CLASP2: variants seen among roughly 807,000 people sequenced by gnomAD.
The protein encoded by CLASP2 is cytoplasmic linker associated protein 2, also known as CLIP-associating protein 2.
A neutral mutation model predicts 194.4 loss-of-function variants in CLASP2; 47 were observed. That is an observed-to-expected ratio of 0.24 (90% confidence interval 0.19 to 0.31). The LOEUF (loss-of-function observed/expected upper bound fraction) is 0.31, where lower values mean the gene tolerates loss of function less well. CLASP2 is among the 10% of genes least tolerant of loss of function. The pLI, the probability that CLASP2 is intolerant of heterozygous loss-of-function variation, is 1.00. For synonymous variants in CLASP2, 619 were observed against 633.5 expected (o/e 0.98, Z 0.34); for missense variants, 1,445 against 1,823.6 (o/e 0.79, Z 3.78).
Position 33,619,631 on chromosome 3 carries a change from C to G in CLASP2, c.1289G>C (p.Gly430Ala), listed in dbSNP as rs1232293745. ...AATGATAAATCTGATTGCTGCACAT[C>G]CAGAAGTTGCCATGACTTTTGCACT... ...PNSAKVMATS[G>A]CAAIRFIIRH... Residue 430 changes from glycine to alanine, a missense_variant, in exon 12 of 39, where the codon GGA (glycine) becomes GCA (alanine). By Grantham distance (60) the Gly-to-Ala change is moderately conservative. Coordinates refer to ENST00000682230, the MANE Select transcript of CLASP2 (RefSeq NM_001365631.1). 2 of 1,551,544 alleles carry G rather than the reference C, an allele frequency of 1.3e-6. No homozygotes were observed. The highest frequency in any genetic ancestry group is 3.9e-5 in the Admixed American group (2 of 50,952).
At chr3:33,686,073 T>C (rs996224092) in intron 5 of CLASP2, among the ~76,000 whole-genome samples, 16 of 152,198 alleles carry the variant, frequency 1.1e-4, no homozygotes, top group Non-Finnish European at 1.9e-4. Context: ...AAGGTAGCTC[T>C]AGTTCCCTTG....
chr3:33,674,337 A>G (rs2088054870), intron 6 of CLASP2, among the ~76,000 whole-genome samples: 1 of 152,154 alleles, frequency 6.6e-6, no homozygotes, highest in African/African-American at 2.4e-5. Flanking sequence ...CTGCTCCTGA[A>G]TGACTACTGG....
intron 34 of CLASP2, among the ~76,000 whole-genome samples, chr3:33,528,525 G>T (rs2055243073): frequency 6.6e-6 from 1 of 152,148 alleles, no homozygotes; most frequent in Non-Finnish European, 1.5e-5. Flanking sequence ...ATTTTGGGAT[G>T]CCGAGATGGG....
intron 7 of CLASP2, among the ~76,000 whole-genome samples, chr3:33,661,956 C>CA (rs1195563709): frequency 6.6e-6 from 1 of 152,138 alleles, no homozygotes; most frequent in East Asian, 1.9e-4. Context: ...ATATTATCAT[C>CA]AAAAACATTA....
intron 6 of CLASP2, among the ~76,000 whole-genome samples, chr3:33,677,282 T>A (rs1272865020): frequency 6.6e-5 from 10 of 151,792 alleles, no homozygotes; most frequent in African/African-American, 2.2e-4. Flanking sequence ...TTATTCACAA[T>A]AGCAAAGACT....
chr3:33,599,800 G>A lies in CLASP2; in HGVS notation c.1925-3066C>T, dbSNP rs186440937. ...GAAGGGAGAAAGGGAAGGAGGGTAAGAAGGAGAACATCCTTTATCCAACCC... is the reference window on the plus strand; with the variant it reads ...GAAGGGAGAAAGGGAAGGAGGGTAAAAAGGAGAACATCCTTTATCCAACCC... On this transcript the variant is annotated intron_variant, in intron 18 of 38. Transcript: ENST00000682230. Among the ~76,000 whole-genome samples the A allele has an allele frequency of 5.9e-3, 891 of 152,246 alleles. 4 individuals are homozygous for A. Among genetic ancestry groups the A allele is most frequent in the Non-Finnish European group, 8.6e-3 (587 of 68,024 alleles).
chr3:33,589,698 G>C (rs1199602156), intron 21 of CLASP2, among the ~76,000 whole-genome samples: 1 of 152,042 alleles, frequency 6.6e-6, no homozygotes, highest in African/African-American at 2.4e-5. Context: ...AGAAGATGTG[G>C]AGGATTATGG....
rs144922463 is a variant in CLASP2 at position 33,648,295 on chromosome 3, G to A, written c.716-3392C>T. Among the ~76,000 whole-genome samples the A allele has an allele frequency of 4.9e-3, 741 of 152,144 alleles. 20 individuals are homozygous for A. In the East Asian group the frequency reaches 0.05, roughly 10 times the overall value. On this transcript the variant is annotated intron_variant, in intron 7 of 38. Transcript: ENST00000682230. ...TACCTATAAGGTCACAAAAAGGTTA[G>A]GGAAAGACAGACTAAAGGAAAACAC...
At chr3:33,498,800 T>C (rs991284786) in intron 38 of CLASP2, 83 bp from the exon 39 acceptor site, 1 of 669,582 alleles carries the variant, frequency 1.5e-6, no homozygotes, top group South Asian at 2.7e-5. Flanking sequence ...TATACATATA[T>C]GTGAGCTCTG....
chr3:33,538,952 AGAC>A lies in CLASP2; in HGVS notation c.3405-13_3405-11del. Reference sequence around the variant, plus strand: ...GTCATAATCAAATGCACTATGAAAAAGACGACACTAATTTTTACTTAGGTGTAG... The same window carrying A: ...GTCATAATCAAATGCACTATGAAAAAGACACTAATTTTTACTTAGGTGTAG... On this transcript the variant is annotated splice_polypyrimidine_tract_variant and intron_variant, in intron 32 of 38. Coordinates refer to ENST00000682230, the MANE Select transcript of CLASP2 (RefSeq NM_001365631.1). 6.5e-7 allele frequency: 1 copy of A among 1,546,422 alleles called. No individual in the cohort carries two copies. Among genetic ancestry groups the A allele is most frequent in the Non-Finnish European group, 8.7e-7 (1 of 1,148,646 alleles).
intron 8 of CLASP2, among the ~76,000 whole-genome samples, chr3:33,638,147 A>C (rs1257133635): frequency 2.0e-5 from 3 of 152,186 alleles, no homozygotes; most frequent in Admixed American, 6.5e-5. Context: ...TGCCTACATA[A>C]ATAAACACGG....
chr3:33,697,006 CATATA>C, intron 1 of CLASP2, 73 bp from the exon 2 acceptor site: 1 of 816,510 alleles, frequency 1.2e-6, no homozygotes, highest in South Asian at 1.6e-5. Context: ...TAATTTTTGA[CATATA>C]AAAGATCTTC....
intron 7 of CLASP2, among the ~76,000 whole-genome samples, chr3:33,650,916 C>A (rs564520132): frequency 6.6e-6 from 1 of 152,292 alleles, no homozygotes; most frequent in East Asian, 1.9e-4. Context: ...CCCACAATGA[C>A]TTATCTGCAT....
intron 34 of CLASP2, among the ~76,000 whole-genome samples, chr3:33,532,078 C>T (rs776714414): frequency 3.3e-5 from 5 of 152,154 alleles, no homozygotes; most frequent in Middle Eastern, 3.2e-3. Flanking sequence ...CACCAATGTT[C>T]ATAGCAACAT....
At chr3:33,614,943 A>C (rs898653249) in intron 12 of CLASP2, among the ~76,000 whole-genome samples, 5 of 152,130 alleles carry the variant, frequency 3.3e-5, no homozygotes, top group Admixed American at 2.0e-4. Context: ...GTGGGTGGAG[A>C]TGGTGCCACT....
At chr3:33,510,909 T>G in intron 36 of CLASP2, 145 bp from the exon 37 acceptor site, 5 of 725,642 alleles carry the variant, frequency 6.9e-6, no homozygotes, top group Non-Finnish European at 1.1e-5. Flanking sequence ...AAAGTGAGGG[T>G]ACAGATTACT....
intron 32 of CLASP2, 55 bp downstream of exon 32, chr3:33,543,377 AG>A: frequency 1.6e-6 from 2 of 1,229,894 alleles, no homozygotes; most frequent in Non-Finnish European, 2.4e-6. Context: ...TGTCTCAAAA[AG>A]AAAGAATGGG....
chr3:33,532,181 T>G (rs544491330), intron 34 of CLASP2, among the ~76,000 whole-genome samples: 1 of 152,304 alleles, frequency 6.6e-6, no homozygotes, highest in African/African-American at 2.4e-5. Flanking sequence ...AATGGAGTAT[T>G]ATTCAGCCTT....
intron 16 of CLASP2, among the ~76,000 whole-genome samples, chr3:33,604,482 C>T: frequency 6.6e-6 from 1 of 151,944 alleles, no homozygotes; most frequent in Non-Finnish European, 1.5e-5. Flanking sequence ...CCAAGCGTGG[C>T]TAATTTTTAA....
Sources: gnomAD v4.1 joint callset for allele counts (sites outside exome capture counted in the v4.1 genomes callset) on GRCh38, gnomAD v4.1.1 for gene constraint, MANE v1.5 for transcripts, NCBI Gene and HGNC (gene_info 2026-07-23, HGNC 2026-07-21) for gene names.